SYT1: variants seen among roughly 807,000 people sequenced by gnomAD.
SYT1 encodes the protein synaptotagmin 1.
In SYT1, 8 loss-of-function variants were observed where a neutral mutation model predicts 44.8. The ratio of observed to expected loss-of-function variants is 0.18; its 90% confidence interval spans 0.10 to 0.32. The LOEUF (loss-of-function observed/expected upper bound fraction) is 0.32. Among genes scored for constraint, SYT1 ranks in the 10% least tolerant of loss-of-function variants. The pLI is 1.00. For synonymous variants in SYT1, 154 were observed against 188.8 expected, an observed-to-expected ratio of 0.82 and a Z score of 1.51; for missense variants, 286 against 509.3, an observed-to-expected ratio of 0.56 and a Z score of 4.22.
chr12:78,987,369 A>G (rs1460148522), intron 2 of SYT1, among the ~76,000 whole-genome samples: 2 of 152,132 alleles, frequency 1.3e-5, no homozygotes, highest in East Asian at 3.8e-4. Flanking sequence ...TGATGGGCTC[A>G]TGAGGTCACA....
chr12:79,262,482 C>T (rs1472890817), intron 4 of SYT1, among the ~76,000 whole-genome samples: 2 of 152,102 alleles, frequency 1.3e-5, no homozygotes, highest in African/African-American at 4.8e-5. Context: ...GCCCCTTGTC[C>T]AACTCTATAA....
At chr12:78,931,306 G>GA (rs1877694943) in intron 1 of SYT1, among the ~76,000 whole-genome samples, 1 of 40,784 alleles carries the variant, frequency 2.5e-5, no homozygotes, top group African/African-American at 1.1e-4. Context: ...AAGGAAGGAA[G>GA]GAGAGGGAGG....
rs892779456 is a variant in SYT1, at chr12:79,213,863, A to T, written c.-17-3640A>T. ...CTTGAAGCCAAGAGATGGAAGTTGCAGTGAGCAGAAATTGCACCACTGCAC... is the reference window on the plus strand; with the variant it reads ...CTTGAAGCCAAGAGATGGAAGTTGCTGTGAGCAGAAATTGCACCACTGCAC... On this transcript the variant is annotated intron_variant, in intron 3 of 10. Transcript: ENST00000261205. Among the ~76,000 whole-genome samples the T allele has an allele frequency of 3.3e-5, 5 of 152,350 alleles. No individual in the cohort carries two copies. The East Asian group carries it at 9.6e-4, about 29-fold the overall frequency.
At chr12:79,229,783 C>T (rs776588486) in intron 4 of SYT1, among the ~76,000 whole-genome samples, 2 of 151,696 alleles carry the variant, frequency 1.3e-5, no homozygotes, top group African/African-American at 2.4e-5. Flanking sequence ...TTAGTAGAGA[C>T]GGGGTTTCAT....
intron 1 of SYT1, among the ~76,000 whole-genome samples, chr12:78,872,683 T>C (rs966060629): frequency 6.6e-6 from 1 of 151,772 alleles, no homozygotes; most frequent in African/African-American, 2.4e-5. Context: ...TCCTATAGAA[T>C]CACTAAATGA....
chr12:79,227,265 G>A lies in SYT1; in HGVS notation c.166+9580G>A, dbSNP rs188562158. ...AAAAAAGGAGAAGGAAATGGTAAACGCTTAGCATTTTTATCTTTCAATTCA... is the reference window on the plus strand; with the variant it reads ...AAAAAAGGAGAAGGAAATGGTAAACACTTAGCATTTTTATCTTTCAATTCA... On this transcript the variant is annotated intron_variant, in intron 4 of 10. Transcript: ENST00000261205. Among the ~76,000 whole-genome samples, 17 of 152,034 alleles carry A rather than the reference G, an allele frequency of 1.1e-4. No individual in the cohort carries two copies. The East Asian group carries it at 2.9e-3, about 26-fold the overall frequency.
At chr12:78,885,521 C>T (rs951859368) in intron 1 of SYT1, among the ~76,000 whole-genome samples, 1 of 151,956 alleles carries the variant, frequency 6.6e-6, no homozygotes, top group African/African-American at 2.4e-5. Context: ...AGACAGAATA[C>T]ATTTTTAAAT....
At chr12:79,191,390 C>G (rs1873115063) in intron 3 of SYT1, among the ~76,000 whole-genome samples, 1 of 152,018 alleles carries the variant, frequency 6.6e-6, no homozygotes, top group South Asian at 2.1e-4. Context: ...TTTTGCTGTT[C>G]AAAGACATTC....
intron 1 of SYT1, among the ~76,000 whole-genome samples, chr12:78,950,256 TATA>T (rs1211052341): frequency 6.6e-6 from 1 of 152,096 alleles, no homozygotes; most frequent in East Asian, 1.9e-4. Flanking sequence ...GAACCTACCT[TATA>T]ATTTTGTCAC....
intron 1 of SYT1, among the ~76,000 whole-genome samples, chr12:78,892,800 C>T (rs1047176127): frequency 2.0e-5 from 3 of 151,390 alleles, no homozygotes; most frequent in East Asian, 1.9e-4. Context: ...TGACAAATAA[C>T]GGTAAAGAGG....
chr12:79,258,041 G>A (rs554040966), intron 4 of SYT1, among the ~76,000 whole-genome samples: 1 of 152,214 alleles, frequency 6.6e-6, no homozygotes, highest in African/African-American at 2.4e-5. Flanking sequence ...AAAATCAACT[G>A]TTTAGATGAA....
At chr12:79,110,025 A>C (rs1352159398) in intron 3 of SYT1, among the ~76,000 whole-genome samples, 5 of 152,328 alleles carry the variant, frequency 3.3e-5, no homozygotes, top group Middle Eastern at 3.4e-3. Context: ...AGTATTTTTT[A>C]GCATCTTAAA....
chr12:79,216,960 A>G (rs994046219), intron 3 of SYT1, among the ~76,000 whole-genome samples: 2 of 152,106 alleles, frequency 1.3e-5, no homozygotes, highest in African/African-American at 2.4e-5. Flanking sequence ...ATAAGATTCA[A>G]GAACCAATTA....
chr12:79,111,166 G>A (rs1878989407), intron 3 of SYT1, among the ~76,000 whole-genome samples: 1 of 152,134 alleles, frequency 6.6e-6, no homozygotes, highest in African/African-American at 2.4e-5. Flanking sequence ...ATGTCAGCGT[G>A]ATCTAGCGCA....
At chr12:79,079,808 G>C (rs1876903293) in intron 3 of SYT1, among the ~76,000 whole-genome samples, 1 of 152,022 alleles carries the variant, frequency 6.6e-6, no homozygotes, top group African/African-American at 2.4e-5. Flanking sequence ...ACAGATTTTA[G>C]ATCTTAAAGT....
At chr12:78,951,111 T>A (rs1198422618) in intron 1 of SYT1, among the ~76,000 whole-genome samples, 1 of 152,134 alleles carries the variant, frequency 6.6e-6, no homozygotes, top group Non-Finnish European at 1.5e-5. Flanking sequence ...GATAGTCAAG[T>A]CCAAACTCTC....
At chr12:79,146,306 ATGT>A (rs1869910397) in intron 3 of SYT1, among the ~76,000 whole-genome samples, 1 of 152,198 alleles carries the variant, frequency 6.6e-6, no homozygotes, top group Admixed American at 6.5e-5. Flanking sequence ...ATGTCAATTA[ATGT>A]TGTTGTAGGA....
chr12:79,051,546 T>C (rs1424138134), intron 3 of SYT1, among the ~76,000 whole-genome samples: 1 of 151,388 alleles, frequency 6.6e-6, no homozygotes, highest in Non-Finnish European at 1.5e-5. Flanking sequence ...CATAGGAAAA[T>C]GTGAGGACAT....
chr12:79,186,494 A>T (rs751585898), intron 3 of SYT1, among the ~76,000 whole-genome samples: 31 of 152,062 alleles, frequency 2.0e-4, no homozygotes, highest in Non-Finnish European at 3.5e-4. Context: ...TCAATTTATT[A>T]TCCTCCCCAG....
Sources: gnomAD v4.1 joint callset for allele counts (sites outside exome capture counted in the v4.1 genomes callset) on GRCh38, gnomAD v4.1.1 for gene constraint, MANE v1.5 for transcripts, NCBI Gene and HGNC (gene_info 2026-07-23, HGNC 2026-07-21) for gene names.